The following SYNE2 variants were observed in gnomAD, a reference collection of about 807,000 sequenced individuals.
SYNE2 encodes spectrin repeat containing nuclear envelope protein 2.
A neutral mutation model predicts 856.3 loss-of-function variants in SYNE2; 431 were observed. That is an observed-to-expected ratio of 0.50 (90% CI 0.47 to 0.55). SYNE2 has a LOEUF of 0.55. Among genes scored for constraint, SYNE2 ranks in the 20% least tolerant of loss-of-function variants. The probability of loss-of-function intolerance (pLI) is 0.00; values close to 1 mark genes in which losing one functional copy is unlikely to be tolerated. For missense variants in SYNE2, 8,129 were observed against 8,023.2 expected, an observed-to-expected ratio of 1.01 and a Z score of -0.50; for synonymous variants, 2,923 against 2,872.3, an observed-to-expected ratio of 1.02 and a Z score of -0.56.
chr14:64,129,200 C>T (rs568974585), intron 74 of SYNE2, among the ~76,000 whole-genome samples: 6 of 152,206 alleles, frequency 3.9e-5, no homozygotes, highest in African/African-American at 1.4e-4. Flanking sequence ...CCACCTACTC[C>T]GGAGGCTGAG....
chr14:64,124,801 A>G lies in SYNE2; in HGVS notation c.13423-278A>G, dbSNP rs7161361. On this transcript the variant is annotated intron_variant, in intron 70 of 115. Transcript: ENST00000555002. ...GTGGATCACCTGAGGTCACGAGTTC[A>G]AGAATAGCCTAGCTAACATGGCAAA... 0.26 allele frequency among the ~76,000 whole-genome samples: 40,157 copies of G among 152,024 alleles called. 8,695 individuals are homozygous for G. Among genetic ancestry groups the G allele is most frequent in the African/African-American group, 0.6 (25,000 of 41,424 alleles).
intron 28 of SYNE2, 88 bp downstream of exon 28, chr14:64,000,807 GTA>G (rs1238320642): frequency 3.3e-6 from 4 of 1,220,846 alleles, no homozygotes; most frequent in Non-Finnish European, 4.7e-6. Flanking sequence ...GCTATACTAA[GTA>G]TGTTATTTTA....
chr14:63,861,144 G>GT lies in SYNE2; in HGVS notation c.-52+8019dup, dbSNP rs71123806. On this transcript the variant is annotated intron_variant, in intron 1 of 115. Transcript: ENST00000555002. ...TAAGAAATGTGATATTTACCACATT[G>GT]TTTTTTTTTTTTTTTTTTGAGACGG... is the stretch of plus-strand genomic sequence containing the variant. 6.0e-3 allele frequency among the ~76,000 whole-genome samples: 770 copies of GT among 128,340 alleles called. 15 individuals are homozygous for GT. Among genetic ancestry groups the GT allele is most frequent in the Admixed American group, 0.037 (456 of 12,266 alleles). 84.2% of individuals were successfully genotyped at this position (128,340 alleles called of 152,430 possible). A position where few individuals can be genotyped will look rare whatever the true frequency, so the allele number is the denominator to read the frequency against.
At chr14:64,188,403 C>A in intron 97 of SYNE2, 147 bp from the exon 98 acceptor site, 3 of 799,416 alleles carry the variant, frequency 3.8e-6, no homozygotes, top group Non-Finnish European at 6.4e-6. Context: ...TGATGCTAAA[C>A]CCTAGGTTTA....
rs2096557115 is a variant in SYNE2, at chr14:63,977,941, C to G, written c.1330C>G (p.Leu444Val). Reference protein sequence around the residue: ...MDRFEHHSNILLTFENKDENH... With the variant: ...MDRFEHHSNIVLTFENKDENH... ...TAGATTTGAGCATCATTCGAACATT[C>G]TCCTTACCTTTGAAAATAAGGATGA... Residue 444 changes from leucine (L) to valine (V), a missense_variant, in exon 13 of 116, where the codon CTC becomes GTC. Leu to Val is a conservative substitution (Grantham distance 32). Transcript: ENST00000555002. 4.3e-6 allele frequency: 7 copies of G among 1,613,708 alleles called. No individual in the cohort carries two copies. Among genetic ancestry groups the G allele is most frequent in the Non-Finnish European group, 5.9e-6 (7 of 1,179,806 alleles).
At position 64,073,148 on chromosome 14, in the gene SYNE2, C is replaced by G. The variant is rs544863794; in HGVS notation, c.10698-820C>G. On this transcript the variant is annotated intron_variant, in intron 52 of 115. Coordinates refer to ENST00000555002, the MANE Select transcript of SYNE2 (RefSeq NM_182914.3). ...TGTAATTGGCCATTGGCGATCAACT[C>G]AACCTTCAGCTTCTGTCCCCTCCCC... Among the ~76,000 whole-genome samples the G allele has an allele frequency of 3.9e-5, 6 of 152,258 alleles. No individual in the cohort carries two copies. The East Asian group carries it at 1.2e-3, about 29-fold the overall frequency.
At chr14:64,140,655 G>T (rs2098131889) in intron 80 of SYNE2, among the ~76,000 whole-genome samples, 1 of 151,966 alleles carries the variant, frequency 6.6e-6, no homozygotes, top group Non-Finnish European at 1.5e-5. Flanking sequence ...AACTTTATAA[G>T]GTTATTAACT....
intron 10 of SYNE2, among the ~76,000 whole-genome samples, chr14:63,964,962 C>CT (rs750645462): frequency 0.026 from 3,341 of 130,992 alleles, 100 homozygotes; most frequent in Admixed American, 0.057. Flanking sequence ...TTGAACATTT[C>CT]TTTTTTTTTT....
At position 63,861,389 on chromosome 14, in the gene SYNE2, C is replaced by T. The variant is rs191295200; in HGVS notation, c.-52+8246C>T. Among the ~76,000 whole-genome samples, 1,335 of 152,032 alleles carry T rather than the reference C, an allele frequency of 8.8e-3. 17 individuals are homozygous for T. Among genetic ancestry groups the T allele is most frequent in the African/African-American group, 0.03 (1,258 of 41,506 alleles). ...CGAACTCCTGACCTCGTGATCCGCCCACCTCAGCCTCCCAAAGTGCTGGGA... is the reference window on the plus strand; with the variant it reads ...CGAACTCCTGACCTCGTGATCCGCCTACCTCAGCCTCCCAAAGTGCTGGGA... On this transcript the variant is annotated intron_variant, in intron 1 of 115. Coordinates refer to ENST00000555002, the MANE Select transcript of SYNE2 (RefSeq NM_182914.3).
rs181356743 is a variant in SYNE2, at chr14:63,872,871, G to A, written c.-52+19728G>A. 9.4e-4 allele frequency among the ~76,000 whole-genome samples: 142 copies of A among 151,328 alleles called. 1 individual carries two copies. The highest frequency in any genetic ancestry group is 1.2e-3 in the East Asian group (6 of 5,170). ...TTCCTCTCAACTGTGAGATTCATCC[G>A]TCTTGGTATATATGTAACTCTGATT... On this transcript the variant is annotated intron_variant, in intron 1 of 115. Transcript: ENST00000555002.
chr14:64,023,728 A>G (rs1386221548), intron 38 of SYNE2: 2 of 186,924 alleles, frequency 1.1e-5, no homozygotes, highest in East Asian at 2.7e-4. Flanking sequence ...ATGATAAGTT[A>G]TGTTTTTAAG....
intron 1 of SYNE2, among the ~76,000 whole-genome samples, chr14:63,828,160 G>A (rs1889532631): frequency 6.6e-6 from 1 of 151,488 alleles, no homozygotes; most frequent in Non-Finnish European, 1.5e-5. Flanking sequence ...TCATGCCACT[G>A]CACTTCAGCC....
At chr14:64,223,899 A>C (rs1023173389) in intron 113 of SYNE2, among the ~76,000 whole-genome samples, 4 of 152,126 alleles carry the variant, frequency 2.6e-5, no homozygotes, top group Non-Finnish European at 5.9e-5. Context: ...TGAGCTCACC[A>C]TCTACTCAAA....
chr14:63,926,768 T>C (rs768683176), intron 2 of SYNE2, among the ~76,000 whole-genome samples: 2 of 152,236 alleles, frequency 1.3e-5, no homozygotes, highest in Non-Finnish European at 2.9e-5. Context: ...ACAAGTAGTC[T>C]GTCTCCACAG....
chr14:63,964,975 T>G (rs1230477077), intron 10 of SYNE2, among the ~76,000 whole-genome samples: 1 of 151,174 alleles, frequency 6.6e-6, no homozygotes, highest in African/African-American at 2.4e-5. Context: ...TTTTTTTTTT[T>G]TTTTTGAGGC....
intron 45 of SYNE2, among the ~76,000 whole-genome samples, chr14:64,045,164 G>C (rs2097176844): frequency 6.6e-6 from 1 of 152,120 alleles, no homozygotes; most frequent in Admixed American, 6.6e-5. Flanking sequence ...GATTCTGTTG[G>C]CTTTTCTGCC....
chr14:64,214,637 T>A, intron 106 of SYNE2, 167 bp downstream of exon 106: 1 of 666,544 alleles, frequency 1.5e-6, no homozygotes, highest in Non-Finnish European at 2.6e-6. Context: ...TACCTGAGAA[T>A]TGGCTCACTC....
chr14:63,990,969 T>C lies in SYNE2; in HGVS notation c.2500T>C (p.Leu834=), dbSNP rs777170976. ...QINVVKLIAA[L]KNLTDVSPDL... ...CAATGTGGTAAAACTCATTGCAGCGTTGAAGAACTTAACTGACGTTTCACC... is the reference window on the plus strand; with the variant it reads ...CAATGTGGTAAAACTCATTGCAGCGCTGAAGAACTTAACTGACGTTTCACC... The change falls in exon 21 of 116, where the codon TTG becomes CTG. Residue 834 remains leucine (L), a synonymous_variant. Transcript: ENST00000555002. 4 of 1,614,174 alleles carry C rather than the reference T, an allele frequency of 2.5e-6. No homozygotes were observed. Among genetic ancestry groups the C allele is most frequent in the Non-Finnish European group, 3.4e-6 (4 of 1,180,010 alleles).
intron 1 of SYNE2, among the ~76,000 whole-genome samples, chr14:63,896,748 T>G (rs1330371720): frequency 6.6e-6 from 1 of 152,182 alleles, no homozygotes; most frequent in Non-Finnish European, 1.5e-5. Flanking sequence ...TTCTCTAACT[T>G]ACATAGAATT....
Sources: allele counts gnomAD v4.1 joint callset (sites outside exome capture counted in the v4.1 genomes callset), GRCh38; gene constraint gnomAD v4.1.1; transcripts MANE v1.5; gene names NCBI Gene and HGNC (gene_info 2026-07-23, HGNC 2026-07-21).